CNTN6: variants seen among roughly 807,000 people sequenced by gnomAD.
The protein encoded by CNTN6 is contactin 6.
CNTN6 carries 137 observed loss-of-function variants against 122.8 expected under a neutral mutation model. The observed-to-expected ratio is 1.12, with a 90% CI of 0.97 to 1.29. The LOEUF is 1.29. CNTN6 is among the 50% of genes most tolerant of loss of function. CNTN6 has a pLI of 0.00. For synonymous variants in CNTN6, 570 were observed against 426.0 expected (o/e 1.34, Z -4.16); for missense variants, 1,634 against 1,223.4 (o/e 1.34, Z -5.01).
At chr3:1,359,753 C>T (rs1707179994) in intron 12 of CNTN6, among the ~76,000 whole-genome samples, 1 of 152,072 alleles carries the variant, frequency 6.6e-6, no homozygotes, top group Admixed American at 6.6e-5. Context: ...AAAACAACTC[C>T]TTTATTTCTG....
At chr3:1,250,553 C>G (rs1011037459) in intron 4 of CNTN6, among the ~76,000 whole-genome samples, 2 of 152,112 alleles carry the variant, frequency 1.3e-5, no homozygotes, top group Non-Finnish European at 2.9e-5. Context: ...TCTGCTTTTA[C>G]GAGGTCTTGA....
intron 1 of CNTN6, among the ~76,000 whole-genome samples, chr3:1,096,223 T>A (rs2090516978): frequency 6.6e-6 from 1 of 152,142 alleles, no homozygotes; most frequent in South Asian, 2.1e-4. Context: ...ACTTGCTTTT[T>A]TTCTGATAAA....
intron 2 of CNTN6, among the ~76,000 whole-genome samples, chr3:1,204,771 T>C (rs2093935440): frequency 6.6e-6 from 1 of 152,190 alleles, no homozygotes; most frequent in Non-Finnish European, 1.5e-5. Context: ...ACGGTTACTC[T>C]CTAACATATA....
chr3:1,188,316 T>C (rs1443748256), intron 2 of CNTN6, among the ~76,000 whole-genome samples: 1 of 152,164 alleles, frequency 6.6e-6, no homozygotes, highest in East Asian at 1.9e-4. Flanking sequence ...AGGCACCACC[T>C]CTTATAACCC....
chr3:1,399,089 A>C (rs944864957), intron 20 of CNTN6, among the ~76,000 whole-genome samples: 1 of 152,086 alleles, frequency 6.6e-6, no homozygotes, highest in East Asian at 1.9e-4. Context: ...AACAAACAAA[A>C]CATCCGGAAA....
rs766722176 is a variant in CNTN6 at position 1,385,733 on chromosome 3, A to C, written c.2640A>C (p.Arg880Ser). 2 of 1,614,120 alleles carry C rather than the reference A, an allele frequency of 1.2e-6. No homozygotes were observed. Among genetic ancestry groups the C allele is most frequent in the Admixed American group, 3.3e-5 (2 of 60,016 alleles). The change falls in exon 20 of 23, where the codon AGA (arginine) becomes AGC (serine). Residue 880 changes from arginine (R) to serine (S), a missense_variant. Physicochemically the swap from Arg to Ser is moderately radical, Grantham distance 110. Coordinates refer to ENST00000446702, the MANE Select transcript of CNTN6 (RefSeq NM_001289080.2). ...KANTIYFASV[R>S]AYNTAGTGPS... ...ATACCATCTACTTTGCTTCCGTAAG[A>C]GCTTACAACACTGCTGGGACAGGGC... is the stretch of plus-strand genomic sequence containing the variant.
At chr3:1,123,656 C>T (rs2092047326) in intron 1 of CNTN6, among the ~76,000 whole-genome samples, 1 of 151,734 alleles carries the variant, frequency 6.6e-6, no homozygotes, top group Admixed American at 6.6e-5. Flanking sequence ...TATTTTCTTC[C>T]CAATTTAGAT....
At chr3:1,207,036 T>C (rs1166123095) in intron 2 of CNTN6, among the ~76,000 whole-genome samples, 2 of 152,158 alleles carry the variant, frequency 1.3e-5, no homozygotes, top group African/African-American at 4.8e-5. Flanking sequence ...GATCTTCAAA[T>C]GCATATACCT....
rs1436457534 is a variant in CNTN6, at chr3:1,404,108, G to A, written c.*690G>A. Reference sequence around the variant, plus strand: ...TGGTATATATTAAGCAATTGCTCATGGCAAAGTTGAACATTTGAACTGCTG... The same window carrying A: ...TGGTATATATTAAGCAATTGCTCATAGCAAAGTTGAACATTTGAACTGCTG... On this transcript the variant is annotated 3_prime_UTR_variant, in exon 23 of 23. Transcript: ENST00000446702. 1 of 152,092 alleles carries A rather than the reference G, an allele frequency of 6.6e-6. No individual in the cohort carries two copies. Among genetic ancestry groups the A allele is most frequent in the Non-Finnish European group, 1.5e-5 (1 of 68,016 alleles). 9.4% of individuals were successfully genotyped at this position (152,092 alleles called of 1,614,324 possible).
At chr3:1,385,466 C>G (rs1692733719) in intron 19 of CNTN6, 145 bp from the exon 20 acceptor site, 7 of 556,944 alleles carry the variant, frequency 1.3e-5, no homozygotes, top group Non-Finnish European at 2.2e-5. Flanking sequence ...TGTTGTATAA[C>G]CATTTTAATT....
intron 1 of CNTN6, among the ~76,000 whole-genome samples, chr3:1,140,637 C>G (rs1324425500): frequency 6.6e-6 from 1 of 152,088 alleles, no homozygotes; most frequent in Non-Finnish European, 1.5e-5. Flanking sequence ...TTCATGGCCT[C>G]AAGCAAAAGG....
rs559789763 is a variant in CNTN6, at chr3:1,372,855, G to A, written c.1686G>A (p.Leu562=). 2 of 1,601,048 alleles carry A rather than the reference G, an allele frequency of 1.2e-6. No homozygotes were observed. The highest frequency in any genetic ancestry group is 2.2e-5 in the South Asian group (2 of 89,722). ...GTCTGCAGGAATCTGTTGGGGATTT[G>A]ATGATAAGGAATATTCAGTTACATC... ...ERIGGESVGD[L]MIRNIQLHHS... is the part of the protein sequence containing the mutation. Residue 562 remains leucine, a synonymous_variant, in exon 14 of 23, where the codon TTG becomes TTA. Coordinates refer to ENST00000446702, the MANE Select transcript of CNTN6 (RefSeq NM_001289080.2).
chr3:1,213,312 T>C lies in CNTN6; in HGVS notation c.56-7375T>C, dbSNP rs1016616351. 6.8e-5 allele frequency among the ~76,000 whole-genome samples: 10 copies of C among 147,894 alleles called. 1 individual carries two copies. The highest frequency in any genetic ancestry group is 2.5e-4 in the African/African-American group (10 of 40,800). On this transcript the variant is annotated intron_variant, in intron 2 of 22. Transcript: ENST00000446702. ...ATAATGTATGTTGCTTAATATGCAT[T>C]ATTTCAACCAGGTTTTCTTTTTTTG...
At position 1,385,383 on chromosome 3, in the gene CNTN6, G is replaced by A. The variant is rs560623903; in HGVS notation, c.2518-228G>A. ...TTATTTTGGTAATCTAAAAAATCACGTTCTCTAATTTCCATTGTGAATTTG... is the reference window on the plus strand; with the variant it reads ...TTATTTTGGTAATCTAAAAAATCACATTCTCTAATTTCCATTGTGAATTTG... On this transcript the variant is annotated intron_variant, in intron 19 of 22. Transcript: ENST00000446702. Among the ~76,000 whole-genome samples, 6 of 152,214 alleles carry A rather than the reference G, an allele frequency of 3.9e-5. No individual in the cohort carries two copies. In the South Asian group the frequency reaches 6.2e-4, roughly 16 times the overall value.
chr3:1,310,774 G>A (rs150959300), intron 7 of CNTN6, among the ~76,000 whole-genome samples: 3,795 of 152,246 alleles, frequency 0.025, 168 homozygotes, highest in African/African-American at 0.086. Flanking sequence ...GGCTGAGGCG[G>A]GCAGATCGCC....
At chr3:1,354,368 C>CAA (rs71056334) in intron 12 of CNTN6, among the ~76,000 whole-genome samples, 41 of 121,640 alleles carry the variant, frequency 3.4e-4, no homozygotes, top group African/African-American at 5.3e-4. Context: ...GCTCAGTTAA[C>CAA]AAAAAAAAAA....
intron 2 of CNTN6, among the ~76,000 whole-genome samples, chr3:1,187,875 T>C (rs1392998948): frequency 6.6e-6 from 1 of 152,104 alleles, no homozygotes; most frequent in East Asian, 1.9e-4. Flanking sequence ...GTATGGTTGG[T>C]TGGGCACCGT....
chr3:1,212,264 T>G (rs988563691), intron 2 of CNTN6, among the ~76,000 whole-genome samples: 1 of 150,386 alleles, frequency 6.6e-6, no homozygotes, highest in Admixed American at 6.6e-5. Context: ...TTTTTTTTTT[T>G]TTTTTTGAGA....
intron 2 of CNTN6, among the ~76,000 whole-genome samples, chr3:1,196,967 G>A (rs2093786978): frequency 6.6e-6 from 1 of 151,992 alleles, no homozygotes; most frequent in Admixed American, 6.5e-5. Context: ...GTAGAACACT[G>A]AAAAAAATAA....
Sources: allele counts gnomAD v4.1 joint callset (sites outside exome capture counted in the v4.1 genomes callset), GRCh38; gene constraint gnomAD v4.1.1; transcripts MANE v1.5; gene names NCBI Gene and HGNC (gene_info 2026-07-23, HGNC 2026-07-21).